Variants in EXOC6B observed in about 807,000 individuals in gnomAD.
EXOC6B encodes exocyst complex component 6B, also known as SEC15 homolog B.
A neutral mutation model predicts 113.5 loss-of-function variants in EXOC6B; 54 were observed. The observed-to-expected ratio is 0.48, with a 90% confidence interval of 0.38 to 0.60. The LOEUF (loss-of-function observed/expected upper bound fraction) is 0.60, where lower values mean the gene tolerates loss of function less well. Among genes scored for constraint, EXOC6B ranks in the 20% least tolerant of loss-of-function variants. The pLI is 0.00. For synonymous variants in EXOC6B, 357 were observed against 339.0 expected, an observed-to-expected ratio of 1.05 and a Z score of -0.58; for missense variants, 797 against 977.5, an observed-to-expected ratio of 0.82 and a Z score of 2.46.
At chr2:72,194,412 T>G (rs1659660304) in intron 20 of EXOC6B, among the ~76,000 whole-genome samples, 2 of 152,084 alleles carry the variant, frequency 1.3e-5, no homozygotes, top group South Asian at 2.1e-4. Context: ...GTATTGTGGT[T>G]CCAGACAACT....
At chr2:72,690,454 T>C (rs1677402476) in intron 6 of EXOC6B, among the ~76,000 whole-genome samples, 1 of 152,200 alleles carries the variant, frequency 6.6e-6, no homozygotes, top group South Asian at 2.1e-4. Context: ...TCACTATTCC[T>C]GAAAAGGTTC....
chr2:72,179,513 G>C, intron 21 of EXOC6B, 52 bp from the exon 22 acceptor site: 1 of 1,609,852 alleles, frequency 6.2e-7, no homozygotes, highest in Non-Finnish European at 8.5e-7. Context: ...AACAATGGTG[G>C]AAGGAGAACC....
At chr2:72,566,811 C>T (rs1435900445) in intron 7 of EXOC6B, among the ~76,000 whole-genome samples, 1 of 151,920 alleles carries the variant, frequency 6.6e-6, no homozygotes, top group African/African-American at 2.4e-5. Context: ...AACCATGGTA[C>T]ATCCAAACAA....
intron 20 of EXOC6B, among the ~76,000 whole-genome samples, chr2:72,258,813 G>A (rs1683520932): frequency 2.0e-5 from 3 of 152,124 alleles, no homozygotes; most frequent in South Asian, 2.1e-4. Context: ...AGCTGTTACT[G>A]CTTCCTAACC....
At chr2:72,666,780 G>GACACAC (rs71404724) in intron 6 of EXOC6B, among the ~76,000 whole-genome samples, 822 of 81,216 alleles carry the variant, frequency 0.01, 11 homozygotes, top group African/African-American at 0.022. Flanking sequence ...ATTTACAATA[G>GACACAC]ACACACACAC....
chr2:72,358,231 A>G (rs533935395), intron 19 of EXOC6B, among the ~76,000 whole-genome samples: 1 of 152,262 alleles, frequency 6.6e-6, no homozygotes, highest in East Asian at 1.9e-4. Flanking sequence ...TAATACTTAT[A>G]ACAACTCTCC....
At chr2:72,422,201 G>T (rs529672507) in intron 18 of EXOC6B, among the ~76,000 whole-genome samples, 171 of 152,340 alleles carry the variant, frequency 1.1e-3, no homozygotes, top group African/African-American at 3.9e-3. Flanking sequence ...CCCAAGGGCT[G>T]AGGAATGCAA....
chr2:72,331,112 C>T lies in EXOC6B; in HGVS notation c.2196+3835G>A, dbSNP rs187217722. ...TAATTTATTTTGTAGCAAAAGTCAC[C>T]GAACTAACTGAAACATACATAATGG... On this transcript the variant is annotated intron_variant, in intron 20 of 21. Transcript: ENST00000272427. Among the ~76,000 whole-genome samples, 236 of 152,050 alleles carry T rather than the reference C, an allele frequency of 1.6e-3. 1 individual carries two copies. Among genetic ancestry groups the T allele is most frequent in the African/African-American group, 5.5e-3 (228 of 41,500 alleles).
chr2:72,472,851 G>T (rs571889996), intron 17 of EXOC6B, among the ~76,000 whole-genome samples: 1 of 152,176 alleles, frequency 6.6e-6, no homozygotes, highest in East Asian at 1.9e-4. Flanking sequence ...TGCTTTTGTT[G>T]TGTCCCACAG....
intron 6 of EXOC6B, among the ~76,000 whole-genome samples, chr2:72,673,810 G>T (rs1328051165): frequency 4.1e-5 from 6 of 146,900 alleles, no homozygotes; most frequent in Admixed American, 2.0e-4. Context: ...TTTAAGTTAG[G>T]TTTCTATCAC....
At chr2:72,209,223 C>CAAA (rs1170760516) in intron 20 of EXOC6B, among the ~76,000 whole-genome samples, 31 of 57,068 alleles carry the variant, frequency 5.4e-4, no homozygotes, top group East Asian at 2.0e-3. Context: ...AACTCAGTCT[C>CAAA]AAAAAAAAAA....
chr2:72,265,441 C>T (rs1167929321), intron 20 of EXOC6B, among the ~76,000 whole-genome samples: 1 of 145,226 alleles, frequency 6.9e-6, no homozygotes, highest in African/African-American at 2.6e-5. Context: ...GTGTGATGTT[C>T]CCCTTCCTGT....
intron 18 of EXOC6B, among the ~76,000 whole-genome samples, chr2:72,401,613 A>G (rs1445871486): frequency 1.5e-4 from 7 of 46,572 alleles, no homozygotes; most frequent in African/African-American, 2.4e-4. Context: ...GTGTATATAT[A>G]TATATATACA....
chr2:72,514,940 AACAC>A (rs1701136956), intron 9 of EXOC6B, 99 bp downstream of exon 9: 10 of 1,019,586 alleles, frequency 9.8e-6, no homozygotes, highest in Non-Finnish European at 1.4e-5. Flanking sequence ...AATGACAGTA[AACAC>A]ACACACACAG....
intron 19 of EXOC6B, among the ~76,000 whole-genome samples, chr2:72,340,067 A>C (rs1326978790): frequency 6.6e-6 from 1 of 152,186 alleles, no homozygotes; most frequent in South Asian, 2.1e-4. Context: ...TTGAAGGCTG[A>C]TCTTAAAATT....
intron 18 of EXOC6B, among the ~76,000 whole-genome samples, chr2:72,445,672 A>T (rs1314937503): frequency 1.3e-5 from 2 of 152,088 alleles, no homozygotes; most frequent in Admixed American, 1.3e-4. Flanking sequence ...ATCAGATCTC[A>T]TGAGACTTAT....
chr2:72,718,357 A>T, intron 5 of EXOC6B, 50 bp from the exon 6 acceptor site: 1 of 1,521,666 alleles, frequency 6.6e-7, no homozygotes, highest in Non-Finnish European at 9.0e-7. Flanking sequence ...CTTTAGGGTT[A>T]GGCAAAATGT....
chr2:72,543,299 T>C (rs1702717724), intron 8 of EXOC6B, among the ~76,000 whole-genome samples: 1 of 152,180 alleles, frequency 6.6e-6, no homozygotes, highest in African/African-American at 2.4e-5. Context: ...TTAAGCACTG[T>C]CTTGATAAGG....
rs114250218 is a variant in EXOC6B, at chr2:72,403,728, A to G, written c.1981-23858T>C. ...CCTTAAAAAAGTAAAAAACTTAAAA[A>G]TAGAGCCAAGATGGCCAAATAGGAA... On this transcript the variant is annotated intron_variant, in intron 18 of 21. Transcript: ENST00000272427. Among the ~76,000 whole-genome samples, 823 of 152,124 alleles carry G rather than the reference A, an allele frequency of 5.4e-3. 7 individuals are homozygous for G. The highest frequency in any genetic ancestry group is 0.019 in the African/African-American group (787 of 41,506).
Sources: allele counts gnomAD v4.1 joint callset (sites outside exome capture counted in the v4.1 genomes callset), GRCh38; gene constraint gnomAD v4.1.1; transcripts MANE v1.5; gene names NCBI Gene and HGNC (gene_info 2026-07-23, HGNC 2026-07-21).